Variants in GRID1 observed in about 807,000 individuals in gnomAD.
The protein encoded by GRID1 is glutamate ionotropic receptor delta type subunit 1.
GRID1 carries 28 observed loss-of-function variants against 98.0 expected under a neutral mutation model. The ratio of observed to expected loss-of-function variants is 0.29; its 90% confidence interval spans 0.21 to 0.39. GRID1 has a LOEUF of 0.39. Among genes scored for constraint, GRID1 ranks in the 10% least tolerant of loss-of-function variants. The probability of loss-of-function intolerance (pLI) is 1.00; values close to 1 mark genes in which losing one functional copy is unlikely to be tolerated. For synonymous variants in GRID1, 553 were observed against 538.5 expected (o/e 1.03, Z -0.37); for missense variants, 1,111 against 1,340.5 (o/e 0.83, Z 2.67).
intron 8 of GRID1, among the ~76,000 whole-genome samples, chr10:85,730,448 C>T (rs1458988749): frequency 6.6e-6 from 1 of 152,168 alleles, no homozygotes; most frequent in African/African-American, 2.4e-5. Context: ...TACCCAGCCC[C>T]ATCTCAAGTC....
At chr10:85,709,687 G>A (rs377691926) in intron 12 of GRID1, among the ~76,000 whole-genome samples, 6 of 152,246 alleles carry the variant, frequency 3.9e-5, no homozygotes, top group South Asian at 2.1e-4. Context: ...CACTCACACC[G>A]ATAGTGCACA....
intron 2 of GRID1, among the ~76,000 whole-genome samples, chr10:86,355,658 A>G (rs899941071): frequency 6.6e-6 from 1 of 152,204 alleles, no homozygotes; most frequent in South Asian, 2.1e-4. Flanking sequence ...CCTTTCTTCA[A>G]CCGTGGCCAT....
rs1012877515 is a variant in GRID1 at position 86,366,581 on chromosome 10, C to A, written c.-189G>T. On this transcript the variant is annotated 5_prime_UTR_variant, in exon 1 of 16. Transcript: ENST00000327946. The surrounding 1 kb of genome is among the most constrained non-coding windows in gnomAD (Gnocchi z 4.1). ...CCCAGCCCAGCCCAGCCCAGCCCAG[C>A]GCGGTCGGGCTCCCGCTCCGGCTCC... is the stretch of plus-strand genomic sequence containing the variant. 225 of 221,412 alleles carry A rather than the reference C, an allele frequency of 1.0e-3. No homozygotes were observed. Among genetic ancestry groups the A allele is most frequent in the African/African-American group, 4.8e-3 (205 of 42,890 alleles). The allele number at this position is 221,412 out of a possible 1,614,324, so 13.7% of individuals were successfully genotyped here.
At chr10:86,101,235 T>A (rs987605718) in intron 4 of GRID1, among the ~76,000 whole-genome samples, 3 of 152,098 alleles carry the variant, frequency 2.0e-5, no homozygotes, top group African/African-American at 7.2e-5. Context: ...ATGTTAGAGG[T>A]TGAATGACCG....
At chr10:85,771,649 C>CA (rs1842269127) in intron 8 of GRID1, among the ~76,000 whole-genome samples, 1 of 151,732 alleles carries the variant, frequency 6.6e-6, no homozygotes, top group Non-Finnish European at 1.5e-5. Flanking sequence ...AAATGGAAAA[C>CA]AAAAAAAGGC....
intron 4 of GRID1, among the ~76,000 whole-genome samples, chr10:85,950,992 C>G (rs1048562455): frequency 6.6e-6 from 1 of 152,074 alleles, no homozygotes; most frequent in Non-Finnish European, 1.5e-5. Context: ...TCTGGCATCC[C>G]CATTCCATTG....
At chr10:85,620,574 A>C (rs1406675490) in intron 13 of GRID1, among the ~76,000 whole-genome samples, 1 of 152,182 alleles carries the variant, frequency 6.6e-6, no homozygotes, top group African/African-American at 2.4e-5. Flanking sequence ...ATGGTGACTT[A>C]ATATCAAGCA....
intron 12 of GRID1, among the ~76,000 whole-genome samples, chr10:85,680,785 C>T (rs921462908): frequency 2.0e-5 from 3 of 152,170 alleles, no homozygotes; most frequent in African/African-American, 7.2e-5. Flanking sequence ...GGTACATATA[C>T]ACCAGGAACT....
At chr10:85,775,404 C>G (rs1842320464) in intron 8 of GRID1, among the ~76,000 whole-genome samples, 1 of 151,928 alleles carries the variant, frequency 6.6e-6, no homozygotes, top group African/African-American at 2.4e-5. Flanking sequence ...TGCAGTACAC[C>G]AGCATGGCAC....
At chr10:86,085,305 C>A (rs993155233) in intron 4 of GRID1, among the ~76,000 whole-genome samples, 1 of 152,198 alleles carries the variant, frequency 6.6e-6, no homozygotes, top group Non-Finnish European at 1.5e-5. Flanking sequence ...AGGGGCTCTG[C>A]CCTGCCACTG....
intron 12 of GRID1, among the ~76,000 whole-genome samples, chr10:85,657,717 G>A (rs891046863): frequency 3.9e-5 from 6 of 152,138 alleles, no homozygotes; most frequent in South Asian, 2.1e-4. Flanking sequence ...AGGCTGCCCA[G>A]GAACAGATTG....
chr10:85,903,039 C>T (rs1841411714), intron 5 of GRID1, among the ~76,000 whole-genome samples: 1 of 152,130 alleles, frequency 6.6e-6, no homozygotes, highest in African/African-American at 2.4e-5. Flanking sequence ...TGCAACCCCT[C>T]TGTGGTCTCA....
intron 8 of GRID1, among the ~76,000 whole-genome samples, chr10:85,829,739 A>T (rs915901171): frequency 6.6e-6 from 1 of 152,204 alleles, no homozygotes; most frequent in Non-Finnish European, 1.5e-5. Context: ...AATAAAGCTA[A>T]CTAAAGAGGT....
At chr10:85,907,860 T>C (rs1320348427) in intron 5 of GRID1, among the ~76,000 whole-genome samples, 1 of 152,208 alleles carries the variant, frequency 6.6e-6, no homozygotes, top group Non-Finnish European at 1.5e-5. Flanking sequence ...CCCAGAGATG[T>C]TGGATTGCTG....
chr10:86,326,966 T>C (rs1225615846), intron 2 of GRID1, among the ~76,000 whole-genome samples: 1 of 152,202 alleles, frequency 6.6e-6, no homozygotes, highest in African/African-American at 2.4e-5. Context: ...TGAAACCCTG[T>C]GTTTACTTAA....
intron 8 of GRID1, among the ~76,000 whole-genome samples, chr10:85,742,842 C>T (rs966874556): frequency 3.9e-5 from 6 of 152,178 alleles, no homozygotes; most frequent in Non-Finnish European, 7.3e-5. Flanking sequence ...AAGGGCCATA[C>T]AGTGTCTGCT....
At position 85,998,984 on chromosome 10, in the gene GRID1, G is replaced by A. The variant is rs189135203; in HGVS notation, c.727-82745C>T. ...TCCCAGCGCTTTGGGAGGCCAAGGC[G>A]GGTGGATCACCTGAGATCGGGAGTT... On this transcript the variant is annotated intron_variant, in intron 4 of 15. Coordinates refer to ENST00000327946, the MANE Select transcript of GRID1 (RefSeq NM_017551.3). 4.7e-3 allele frequency among the ~76,000 whole-genome samples: 720 copies of A among 152,262 alleles called. 3 individuals carry two copies. Among genetic ancestry groups the A allele is most frequent in the Middle Eastern group, 0.024 (7 of 294 alleles).
intron 8 of GRID1, among the ~76,000 whole-genome samples, chr10:85,761,915 G>GAA (rs1470141688): frequency 1.3e-5 from 2 of 152,138 alleles, no homozygotes; most frequent in African/African-American, 2.4e-5. Flanking sequence ...CACAGGAACA[G>GAA]AAAACAAAAG....
chr10:85,666,932 G>T lies in GRID1; in HGVS notation c.1998-19535C>A, dbSNP rs565017399. ...TCTCCCACCTGTCATATTCCAACAGGCCTGACCGAGTTGAGCCCCACAATA... is the reference window on the plus strand; with the variant it reads ...TCTCCCACCTGTCATATTCCAACAGTCCTGACCGAGTTGAGCCCCACAATA... On this transcript the variant is annotated intron_variant, in intron 12 of 15. Coordinates refer to ENST00000327946, the MANE Select transcript of GRID1 (RefSeq NM_017551.3). Among the ~76,000 whole-genome samples, 21 of 152,212 alleles carry T rather than the reference G, an allele frequency of 1.4e-4. No homozygotes were observed. In the South Asian group the frequency reaches 4.0e-3, roughly 29 times the overall value.
Sources: allele counts gnomAD v4.1 joint callset (sites outside exome capture counted in the v4.1 genomes callset), GRCh38; gene constraint gnomAD v4.1.1; non-coding constraint Gnocchi (gnomAD v3.1); transcripts MANE v1.5; gene names NCBI Gene and HGNC (gene_info 2026-07-23, HGNC 2026-07-21).